ANKLE2: variants seen among roughly 807,000 people sequenced by gnomAD.
ANKLE2 encodes the protein ankyrin repeat and LEM domain-containing protein 2.
ANKLE2 carries 55 observed loss-of-function variants against 84.2 expected under a neutral mutation model. That is an observed-to-expected ratio of 0.65 (90% CI 0.53 to 0.82). The LOEUF (loss-of-function observed/expected upper bound fraction) is 0.82. Ranked by LOEUF, ANKLE2 falls within the 40% of genes least tolerant of loss-of-function variation. The pLI is 0.00. For missense variants in ANKLE2, 1,238 were observed against 1,201.9 expected, an observed-to-expected ratio of 1.03 and a Z score of -0.44; for synonymous variants, 551 against 486.1, an observed-to-expected ratio of 1.13 and a Z score of -1.76.
chr12:132,746,008 G>A (rs2044229369), intron 5 of ANKLE2, among the ~76,000 whole-genome samples: 1 of 152,240 alleles, frequency 6.6e-6, no homozygotes, highest in Non-Finnish European at 1.5e-5. Flanking sequence ...GAAGTGGACA[G>A]GGCGGAGGAT....
rs548138964 is a variant in ANKLE2, at chr12:132,754,563, A to T, written c.640+112T>A. ...ATGGTTAACTGGGGTGATGAGATGG[A>T]GGGGATTGGATTTTTTCCTTCTTAA... is the stretch of plus-strand genomic sequence containing the variant. On this transcript the variant is annotated intron_variant, in intron 2 of 12. Coordinates refer to ENST00000357997, the MANE Select transcript of ANKLE2 (RefSeq NM_015114.3). 8.9e-6 allele frequency: 9 copies of T among 1,015,550 alleles called. No individual in the cohort carries two copies. In the African/African-American group the frequency reaches 1.3e-4, roughly 15 times the overall value. The allele number at this position is 1,015,550 out of a possible 1,614,324, so 62.9% of individuals were successfully genotyped here.
intron 5 of ANKLE2, chr12:132,745,703 C>A: frequency 5.4e-6 from 1 of 184,992 alleles, no homozygotes. Flanking sequence ...GACAATCTCC[C>A]TTCCTCAGCA....
At chr12:132,737,300 C>T (rs1465883164) in intron 7 of ANKLE2, 1 of 443,796 alleles carries the variant, frequency 2.3e-6, no homozygotes, top group African/African-American at 2.0e-5. Flanking sequence ...TCATTTTCCT[C>T]CACTGCTACA....
chr12:132,729,850 T>C lies in ANKLE2; in HGVS notation c.2312A>G (p.Glu771Gly). 2 of 1,613,630 alleles carry C rather than the reference T, an allele frequency of 1.2e-6. No individual in the cohort carries two copies. Among genetic ancestry groups the C allele is most frequent in the Middle Eastern group, 1.7e-4 (1 of 6,058 alleles). Residue 771 changes from glutamate (E) to glycine (G), a missense_variant, in exon 11 of 13, where the codon GAA (glutamate) becomes GGA (glycine). Transcript: ENST00000357997. The stretch of plus-strand genomic sequence containing the variant: ...GGGAGAAGGCTCTAACAAGTCTCTT[T>C]CTACTGCATTGATTCTTGAAGTCAG... ...QILTSRINAV[E>G]RDLLEPSPAD...
chr12:132,727,438 GGCCAACT>G lies in ANKLE2; in HGVS notation c.2616-2_2620del. Reference sequence around the variant, plus strand: ...GAACCTTCCTTTCACCGCGGGACTGGGCCAACTGCGGAAAGCAAGAAAGAACTGTTAG... The same window carrying G: ...GAACCTTCCTTTCACCGCGGGACTGGGCGGAAAGCAAGAAAGAACTGTTAG... On this transcript the variant is annotated splice_acceptor_variant and coding_sequence_variant, in exon 13 of 13. Transcript: ENST00000357997. LOFTEE classifies it high-confidence loss of function. 6.4e-7 allele frequency: 1 copy of G among 1,553,934 alleles called. No homozygotes were observed.
rs1167376012 is a variant in ANKLE2 at position 132,761,609 on chromosome 12, G to C, written c.181+9C>G. On this transcript the variant is annotated intron_variant, in intron 1 of 12. Coordinates refer to ENST00000357997, the MANE Select transcript of ANKLE2 (RefSeq NM_015114.3). Reference sequence around the variant, plus strand: ...GGGTGCGGGGACCCAGCGACCGCCTGGGCCTTACCTGAGGCGGGGGCGGCG... The same window carrying C: ...GGGTGCGGGGACCCAGCGACCGCCTCGGCCTTACCTGAGGCGGGGGCGGCG... 1 of 1,236,528 alleles carries C rather than the reference G, an allele frequency of 8.1e-7. No individual in the cohort carries two copies. Among genetic ancestry groups the C allele is most frequent in the Admixed American group, 4.3e-5 (1 of 23,254 alleles). 76.6% of individuals were successfully genotyped at this position (1,236,528 alleles called of 1,614,324 possible). A position where few individuals can be genotyped will look rare whatever the true frequency, so the allele number is the denominator to read the frequency against.
chr12:132,755,189 T>C (rs2044453143), intron 1 of ANKLE2, 56 bp from the exon 2 acceptor site: 1 of 1,446,322 alleles, frequency 6.9e-7, no homozygotes, highest in African/African-American at 1.4e-5. Context: ...CTGCTGAAGC[T>C]GGGTGATGGG....
intron 10 of ANKLE2, chr12:132,732,214 C>T (rs1263324189): frequency 5.8e-4 from 44 of 75,620 alleles, no homozygotes; most frequent in African/African-American, 9.6e-4. Context: ...GTGTCTGATA[C>T]GCACCGTGTG....
chr12:132,733,667 G>A lies in ANKLE2; in HGVS notation c.1891+718C>T, dbSNP rs561314737. 3.2e-3 allele frequency among the ~76,000 whole-genome samples: 408 copies of A among 127,768 alleles called. 1 individual carries two copies. The highest frequency in any genetic ancestry group is 0.011 in the African/African-American group (379 of 33,742). The allele number at this position is 127,768 out of a possible 152,430, so 83.8% of individuals were successfully genotyped here. A position where few individuals can be genotyped will look rare whatever the true frequency, so the allele number is the denominator to read the frequency against. On this transcript the variant is annotated intron_variant, in intron 10 of 12. Coordinates refer to ENST00000357997, the MANE Select transcript of ANKLE2 (RefSeq NM_015114.3). The stretch of plus-strand genomic sequence containing the variant: ...GTGTCTGAAATACACTGTGTGAAGC[G>A]CTCTGCGTCCTGGTGTCTGATATGC...
intron 1 of ANKLE2, chr12:132,759,608 T>TA (rs1249902176): frequency 6.6e-6 from 1 of 151,394 alleles, no homozygotes; most frequent in African/African-American, 2.4e-5. Context: ...TATTTTTATA[T>TA]AAAATAAATC....
chr12:132,727,996 G>A (rs1483661987), intron 12 of ANKLE2, 36 bp downstream of exon 12: 10 of 1,572,246 alleles, frequency 6.4e-6, no homozygotes, highest in Non-Finnish European at 4.3e-6. Context: ...TCCAAAAGCT[G>A]CCCTGCGGGT....
chr12:132,750,129 C>T (rs1310918932), intron 3 of ANKLE2, among the ~76,000 whole-genome samples: 2 of 140,864 alleles, frequency 1.4e-5, no homozygotes, highest in East Asian at 4.2e-4. Context: ...CGCTTGAACC[C>T]GGGAGGTGGA....
Position 132,728,291 on chromosome 12 carries a change from G to A in ANKLE2, c.2484-128C>T, listed in dbSNP as rs142913801. The A allele has an allele frequency of 0.017, 20,585 of 1,194,656 alleles. 254 individuals carry two copies. The highest frequency in any genetic ancestry group is 0.021 in the Non-Finnish European group (18,393 of 855,794). The allele number at this position is 1,194,656 out of a possible 1,614,324, so 74.0% of individuals were successfully genotyped here. ...GTCGCCCAGGCTGGAATGCAGTGGCGTGATCTCGGCTCATCGCAAGCTCCG... is the reference window on the plus strand; with the variant it reads ...GTCGCCCAGGCTGGAATGCAGTGGCATGATCTCGGCTCATCGCAAGCTCCG... On this transcript the variant is annotated intron_variant, in intron 11 of 12. Coordinates refer to ENST00000357997, the MANE Select transcript of ANKLE2 (RefSeq NM_015114.3).
chr12:132,744,436 C>T (rs2044191849), intron 5 of ANKLE2, among the ~76,000 whole-genome samples: 1 of 152,138 alleles, frequency 6.6e-6, no homozygotes, highest in Admixed American at 6.5e-5. Flanking sequence ...GGAAGAAAAA[C>T]TCATCATGGA....
At chr12:132,734,699 CT>C in intron 9 of ANKLE2, 124 bp from the exon 10 acceptor site, 1 of 1,023,632 alleles carries the variant, frequency 9.8e-7, no homozygotes, top group Non-Finnish European at 1.4e-6. Context: ...TATAATTTTC[CT>C]TTATCCTTAA....
In ANKLE2 at chr12:132,725,552, C is replaced by CG. The variant is rs1168200699; in HGVS notation, c.*1689dup. 3 of 152,318 alleles carry CG rather than the reference C, an allele frequency of 2.0e-5. No homozygotes were observed. Among genetic ancestry groups the CG allele is most frequent in the South Asian group, 2.1e-4 (1 of 4,826 alleles). The allele number at this position is 152,318 out of a possible 1,614,324, so 9.4% of individuals were successfully genotyped here. On this transcript the variant is annotated 3_prime_UTR_variant, in exon 13 of 13. Coordinates refer to ENST00000357997, the MANE Select transcript of ANKLE2 (RefSeq NM_015114.3). ...GTGTTTTGTGAAGGACATAACCCCCCGGGACACACGAGAATGCCTCCGTTG... is the reference window on the plus strand; with the variant it reads ...GTGTTTTGTGAAGGACATAACCCCCCGGGGACACACGAGAATGCCTCCGTTG...
At chr12:132,737,877 T>G (rs2136129510) in intron 7 of ANKLE2, 1 of 152,332 alleles carries the variant, frequency 6.6e-6, no homozygotes, top group East Asian at 1.9e-4. Flanking sequence ...CACCTCAGCC[T>G]CTTGAGTAGC....
At chr12:132,732,780 T>A (rs1424947976) in intron 10 of ANKLE2, among the ~76,000 whole-genome samples, 2 of 116,752 alleles carry the variant, frequency 1.7e-5, no homozygotes, top group Non-Finnish European at 3.6e-5. Context: ...GTGTCTGATA[T>A]GCACCGTGTG....
In ANKLE2 at chr12:132,750,690, A is replaced by G. The variant is rs1379782615; in HGVS notation, c.800T>C (p.Leu267Pro). The G allele has an allele frequency of 1.9e-6, 3 of 1,614,140 alleles. No homozygotes were observed. Among genetic ancestry groups the G allele is most frequent in the Non-Finnish European group, 2.5e-6 (3 of 1,180,060 alleles). ...GAGTGGAGCTGTTTTCACAGGAGAC[A>G]GTGGTAAGGACGTTTTGCTTGGAGA... ...FPSPSKTSLP[L>P]SPVKTAPLFS... The change falls in exon 3 of 13, where the codon CTG (leucine) becomes CCG (proline). Residue 267 changes from leucine to proline, a missense_variant. Physicochemically the swap from Leu to Pro is moderately conservative, Grantham distance 98. This residue lies in a region of ANKLE2 where 422 missense variants were observed against 394.5 expected (regional missense o/e 1.07). Coordinates refer to ENST00000357997, the MANE Select transcript of ANKLE2 (RefSeq NM_015114.3).
Sources: allele counts gnomAD v4.1 joint callset (sites outside exome capture counted in the v4.1 genomes callset), GRCh38; gene constraint gnomAD v4.1.1; regional missense constraint gnomAD v4.1.1; transcripts MANE v1.5; gene names NCBI Gene and HGNC (gene_info 2026-07-23, HGNC 2026-07-21).